DNAH9: variants seen among roughly 807,000 people sequenced by gnomAD.
The protein encoded by DNAH9 is dynein axonemal heavy chain 9, also known as DNAH9 variant protein.
DNAH9 carries 345 observed loss-of-function variants against 471.6 expected under a neutral mutation model. That is an observed-to-expected ratio of 0.73 (90% CI 0.67 to 0.80). DNAH9 has a LOEUF of 0.80. DNAH9 is among the 30% of genes least tolerant of loss of function. The pLI, the probability that DNAH9 is intolerant of heterozygous loss-of-function variation, is 0.00. For missense variants in DNAH9, 5,407 were observed against 5,609.2 expected (o/e 0.96, Z 1.15); for synonymous variants, 2,093 against 2,123.6 (o/e 0.99, Z 0.40).
chr17:11,687,629 C>T (rs903891435), intron 19 of DNAH9, among the ~76,000 whole-genome samples: 1 of 152,128 alleles, frequency 6.6e-6, no homozygotes, highest in Non-Finnish European at 1.5e-5. Flanking sequence ...CACAACCTTC[C>T]CTTTGATGGT....
chr17:11,848,509 T>C (rs372337723), intron 49 of DNAH9, among the ~76,000 whole-genome samples: 3 of 151,852 alleles, frequency 2.0e-5, no homozygotes, highest in Non-Finnish European at 2.9e-5. Context: ...ATAATAATTA[T>C]TACTAATAAT....
Position 11,769,250 on chromosome 17 carries a change from G to T in DNAH9, c.7473G>T (p.Lys2491Asn). 1.2e-6 allele frequency: 2 copies of T among 1,614,146 alleles called. No homozygotes were observed. The highest frequency in any genetic ancestry group is 1.7e-6 in the Non-Finnish European group (2 of 1,180,032). The change falls in exon 38 of 69, where the codon AAG (lysine) becomes AAT (asparagine). Residue 2491 changes from lysine to asparagine, a missense_variant. By Grantham distance (94) the Lys-to-Asn change is moderately conservative. Around this residue, in one of 3 missense-constraint regions of DNAH9, gnomAD observed 4,636 missense variants for 4,900.3 expected, o/e 0.95. Coordinates refer to ENST00000262442, the MANE Select transcript of DNAH9 (RefSeq NM_001372.4). The part of the protein sequence containing the change: ...GTGKSVLVGA[K>N]LASLDPEAYL... The stretch of plus-strand genomic sequence containing the variant: ...GCAAGTCGGTGCTGGTGGGAGCTAA[G>T]CTGGCCAGCCTTGACCCCGAGGCAT...
intron 45 of DNAH9, among the ~76,000 whole-genome samples, chr17:11,819,615 T>C (rs8075402): frequency 0.049 from 7,491 of 152,158 alleles, 618 homozygotes; most frequent in African/African-American, 0.17. Context: ...CTCCTGACCT[T>C]GTGATCCGCC....
intron 9 of DNAH9, among the ~76,000 whole-genome samples, chr17:11,639,589 C>T (rs2073229338): frequency 6.6e-6 from 1 of 152,142 alleles, no homozygotes; most frequent in Non-Finnish European, 1.5e-5. Context: ...GTTAATTAAG[C>T]AGGGAAGATA....
chr17:11,799,827 C>T (rs1969386672), intron 43 of DNAH9, among the ~76,000 whole-genome samples: 1 of 152,190 alleles, frequency 6.6e-6, no homozygotes, highest in Non-Finnish European at 1.5e-5. Flanking sequence ...TAAGGTGATC[C>T]ACCCGCCTTG....
chr17:11,944,712 C>T (rs755266146), intron 67 of DNAH9, among the ~76,000 whole-genome samples: 16 of 152,166 alleles, frequency 1.1e-4, no homozygotes, highest in Admixed American at 2.0e-4. Flanking sequence ...GCCTGGTCCT[C>T]AGACTCTCCA....
intron 36 of DNAH9, 38 bp from the exon 37 acceptor site, chr17:11,768,415 T>A: frequency 6.2e-7 from 1 of 1,600,002 alleles, no homozygotes; most frequent in Non-Finnish European, 8.5e-7. Context: ...TCTTGAGTTC[T>A]GGAGGACCTT....
At chr17:11,921,901 C>A (rs2099729299) in intron 61 of DNAH9, among the ~76,000 whole-genome samples, 1 of 152,214 alleles carries the variant, frequency 6.6e-6, no homozygotes, top group Non-Finnish European at 1.5e-5. Flanking sequence ...TAAATAACCT[C>A]TTTGCCCATA....
intron 19 of DNAH9, among the ~76,000 whole-genome samples, chr17:11,688,779 C>T (rs1291206146): frequency 6.6e-6 from 1 of 152,180 alleles, no homozygotes; most frequent in Admixed American, 6.5e-5. Flanking sequence ...GGTTGGGCTC[C>T]TGAGTCCCAG....
chr17:11,662,789 T>C (rs1022247907), intron 14 of DNAH9, among the ~76,000 whole-genome samples: 1 of 110,898 alleles, frequency 9.0e-6, no homozygotes, highest in Non-Finnish European at 1.7e-5. Flanking sequence ...GGAGTCTCGC[T>C]CTGTCGCCCA....
At position 11,873,132 on chromosome 17, in the gene DNAH9, A is replaced by C. The variant is rs544293817; in HGVS notation, c.10242+1346A>C. On this transcript the variant is annotated intron_variant, in intron 52 of 68. Transcript: ENST00000262442. ...TAGTTTTTAAAATGCTAGCAAATAA[A>C]CAAAAAATAAAGCAGCTGTTTGACT... is the stretch of plus-strand genomic sequence containing the variant. Among the ~76,000 whole-genome samples the C allele has an allele frequency of 1.4e-4, 22 of 152,370 alleles. 1 individual carries two copies. In the South Asian group the frequency reaches 3.7e-3, roughly 26 times the overall value.
At chr17:11,967,023 A>G (rs1976785133) in intron 68 of DNAH9, among the ~76,000 whole-genome samples, 1 of 140,226 alleles carries the variant, frequency 7.1e-6, no homozygotes, top group Non-Finnish European at 1.5e-5. Flanking sequence ...CAACAGAGTG[A>G]GACTCCATCT....
intron 50 of DNAH9, among the ~76,000 whole-genome samples, chr17:11,865,910 T>G (rs1436029180): frequency 6.6e-6 from 1 of 152,210 alleles, no homozygotes; most frequent in Non-Finnish European, 1.5e-5. Flanking sequence ...TTATTCTAGT[T>G]ATACATTCGT....
chr17:11,837,388 C>A (rs940642067), intron 49 of DNAH9, among the ~76,000 whole-genome samples: 31 of 152,172 alleles, frequency 2.0e-4, no homozygotes, highest in African/African-American at 7.2e-4. Flanking sequence ...TCCTCAGTTT[C>A]TTTTCCCTAG....
chr17:11,896,016 G>A (rs781158556), intron 59 of DNAH9, among the ~76,000 whole-genome samples: 5 of 152,180 alleles, frequency 3.3e-5, no homozygotes, highest in Admixed American at 6.5e-5. Context: ...CCAACTTTAG[G>A]ACTGTATCTA....
In DNAH9 at chr17:11,962,207, G is replaced by C; in HGVS notation, c.13184G>C (p.Gly4395Ala). The C allele has an allele frequency of 6.2e-7, 1 of 1,613,820 alleles. No individual in the cohort carries two copies. The highest frequency in any genetic ancestry group is 1.1e-5 in the South Asian group (1 of 91,044). ...GAGTTTAGGAGTCCTCCTCGGGAAG[G>C]GGCCTACATCCATGGCCTCTTCATG... ...REEFRSPPREGAYIHGLFMEG... is the reference protein window; with the variant it reads ...REEFRSPPREAAYIHGLFMEG... The change falls in exon 68 of 69, where the codon GGG becomes GCG. Residue 4395 changes from glycine to alanine, a missense_variant. Coordinates refer to ENST00000262442, the MANE Select transcript of DNAH9 (RefSeq NM_001372.4). This position sits in a 1 kb window ranked among gnomAD's most constrained non-coding sequence, Gnocchi z 4.1.
chr17:11,923,109 CT>C, intron 61 of DNAH9, among the ~76,000 whole-genome samples: 1 of 151,706 alleles, frequency 6.6e-6, no homozygotes. Context: ...GAGTTTCGCT[CT>C]TGTTGCCCAG....
intron 38 of DNAH9, among the ~76,000 whole-genome samples, chr17:11,774,151 TA>T (rs1358279567): frequency 1.3e-5 from 2 of 151,802 alleles, no homozygotes; most frequent in South Asian, 4.2e-4. Flanking sequence ...TAAAATAAAA[TA>T]GAATTAAAAA....
intron 1 of DNAH9, among the ~76,000 whole-genome samples, chr17:11,606,773 C>T (rs1285862398): frequency 2.6e-5 from 4 of 152,100 alleles, no homozygotes. Context: ...TCAAGAGCAG[C>T]TTGATTTAGG....
Sources: gnomAD v4.1 joint callset for allele counts (sites outside exome capture counted in the v4.1 genomes callset) on GRCh38, gnomAD v4.1.1 for gene constraint, gnomAD v4.1.1 regional missense constraint, Gnocchi (gnomAD v3.1) non-coding constraint, MANE v1.5 for transcripts, NCBI Gene and HGNC (gene_info 2026-07-23, HGNC 2026-07-21) for gene names.